The following SSH2 variants were observed in gnomAD, a reference collection of about 807,000 sequenced individuals.
SSH2 encodes the protein protein phosphatase Slingshot homolog 2.
Under a neutral mutation model 135.2 loss-of-function variants are expected in SSH2, and 37 were observed. The ratio of observed to expected loss-of-function variants is 0.27; its 90% CI spans 0.21 to 0.36. The LOEUF is 0.36. SSH2 is among the 10% of genes least tolerant of loss of function. SSH2 has a pLI of 1.00. For synonymous variants in SSH2, 628 were observed against 646.2 expected (o/e 0.97, Z 0.43); for missense variants, 1,408 against 1,765.3 (o/e 0.80, Z 3.63).
intron 1 of SSH2, among the ~76,000 whole-genome samples, chr17:29,907,581 A>C (rs2066679001): frequency 6.6e-6 from 1 of 152,256 alleles, no homozygotes; most frequent in South Asian, 2.1e-4. Flanking sequence ...TCTTTCGAAT[A>C]TACAAGCTCT....
At chr17:29,836,261 G>C (rs1568004172) in intron 2 of SSH2, among the ~76,000 whole-genome samples, 1 of 152,020 alleles carries the variant, frequency 6.6e-6, no homozygotes, top group Non-Finnish European at 1.5e-5. Context: ...CGTTAGAGAG[G>C]CCCTTCTTGA....
intron 1 of SSH2, among the ~76,000 whole-genome samples, chr17:29,858,131 C>G (rs9905597): frequency 0.03 from 4,523 of 152,258 alleles, 207 homozygotes; most frequent in African/African-American, 0.1. Context: ...TCTGTTAAGA[C>G]ATTCATTTCA....
intron 1 of SSH2, among the ~76,000 whole-genome samples, chr17:29,852,609 T>C (rs2065583334): frequency 6.6e-6 from 1 of 151,608 alleles, no homozygotes; most frequent in South Asian, 2.1e-4. Flanking sequence ...TGGAGTACAG[T>C]GGCGCAATCT....
At chr17:29,746,791 T>C (rs2040779884) in intron 3 of SSH2, among the ~76,000 whole-genome samples, 1 of 152,142 alleles carries the variant, frequency 6.6e-6, no homozygotes, top group African/African-American at 2.4e-5. Flanking sequence ...GGAGACTAAC[T>C]GGTTTTTATG....
intron 3 of SSH2, among the ~76,000 whole-genome samples, chr17:29,787,198 A>C (rs373740810): frequency 1.7e-4 from 26 of 152,322 alleles, no homozygotes; most frequent in African/African-American, 6.3e-4. Flanking sequence ...TGATTATTCT[A>C]GGTATCTCAT....
Position 29,631,048 on chromosome 17 carries a change from C to T in SSH2, c.4146G>A (p.Gln1382=). The T allele has an allele frequency of 6.2e-7, 1 of 1,614,240 alleles. No individual in the cohort carries two copies. The highest frequency in any genetic ancestry group is 1.1e-5 in the South Asian group (1 of 91,086). ...QYAKEFGSSQ[Q]YLLPRAGLEL... ...CAAGTCCTGCCCTGGGGAGCAAATACTGCTGACTAGAACCAAATTCTTTGG... is the reference window on the plus strand; with the variant it reads ...CAAGTCCTGCCCTGGGGAGCAAATATTGCTGACTAGAACCAAATTCTTTGG... The change falls in exon 16 of 16, where the codon CAG becomes CAA. Residue 1382 remains glutamine (Q), a synonymous_variant. Coordinates refer to ENST00000540801, the MANE Select transcript of SSH2 (RefSeq NM_001282129.2).
Position 29,718,317 on chromosome 17 carries a change from A to G in SSH2, c.189-15255T>C, listed in dbSNP as rs567672185. On this transcript the variant is annotated intron_variant, in intron 3 of 15. Coordinates refer to ENST00000540801, the MANE Select transcript of SSH2 (RefSeq NM_001282129.2). ...CCACTCCTCTCCTTGTTCTATATAC[A>G]CTCTTCTGAATGTCTTTAGCCACAC... 1.5e-3 allele frequency among the ~76,000 whole-genome samples: 231 copies of G among 151,746 alleles called. 1 individual carries two copies. The highest frequency in any genetic ancestry group is 5.3e-3 in the African/African-American group (220 of 41,332).
At chr17:29,779,179 T>C (rs1186049417) in intron 3 of SSH2, among the ~76,000 whole-genome samples, 1 of 152,110 alleles carries the variant, frequency 6.6e-6, no homozygotes. Context: ...ATAATCAGAT[T>C]TGCTTTTCAA....
chr17:29,881,181 A>G (rs2066131183), intron 1 of SSH2, among the ~76,000 whole-genome samples: 3 of 152,242 alleles, frequency 2.0e-5, no homozygotes, highest in African/African-American at 7.2e-5. Flanking sequence ...GAAATGTAAG[A>G]ATAACAAAGT....
intron 15 of SSH2, 26 bp from the exon 16 acceptor site, chr17:29,632,957 T>C: frequency 6.4e-7 from 1 of 1,562,992 alleles, no homozygotes; most frequent in Non-Finnish European, 8.7e-7. Flanking sequence ...AGTGAGAAGA[T>C]TATGGCAAAC....
chr17:29,766,718 T>C (rs985805450), intron 3 of SSH2, among the ~76,000 whole-genome samples: 16 of 152,208 alleles, frequency 1.1e-4, no homozygotes, highest in African/African-American at 3.6e-4. Flanking sequence ...CCACAGGACC[T>C]ATTTGTATTT....
intron 12 of SSH2, among the ~76,000 whole-genome samples, chr17:29,655,043 C>T (rs2036725947): frequency 6.6e-6 from 1 of 152,078 alleles, no homozygotes; most frequent in South Asian, 2.1e-4. Context: ...CAAAGCCCTT[C>T]AATTAAAGCA....
intron 9 of SSH2, among the ~76,000 whole-genome samples, chr17:29,670,527 T>C (rs955684333): frequency 3.9e-4 from 60 of 152,162 alleles, no homozygotes; most frequent in Non-Finnish European, 4.1e-4. Flanking sequence ...GCAGGTGTGG[T>C]GGCTACGCCT....
At chr17:29,708,589 CAAAA>C (rs61012646) in intron 3 of SSH2, among the ~76,000 whole-genome samples, 3 of 98,926 alleles carry the variant, frequency 3.0e-5, no homozygotes, top group Non-Finnish European at 4.2e-5. Context: ...AACTCTGCTT[CAAAA>C]AAAAAAAAAA....
intron 3 of SSH2, among the ~76,000 whole-genome samples, chr17:29,728,392 G>T (rs960317458): frequency 6.6e-6 from 1 of 152,118 alleles, no homozygotes; most frequent in African/African-American, 2.4e-5. Context: ...ACAGGTGAAA[G>T]AAATTGAAGA....
At position 29,636,592 on chromosome 17, in the gene SSH2, T is replaced by C. The variant is rs1178206857; in HGVS notation, c.1638A>G (p.Lys546=). The C allele has an allele frequency of 7.4e-6, 12 of 1,614,038 alleles. No individual in the cohort carries two copies. The highest frequency in any genetic ancestry group is 1.3e-5 in the African/African-American group (1 of 74,912). ...TCATTCTTTCTTTGGTACACAGGCC[T>C]TTCTGATTTGCATCTTGTGGGACCA... ...EHMVPQDANQ[K]GLCTKERMIC... is the part of the protein sequence containing the mutation. The change falls in exon 15 of 16, where the codon AAA becomes AAG. Residue 546 remains lysine, a synonymous_variant. Coordinates refer to ENST00000540801, the MANE Select transcript of SSH2 (RefSeq NM_001282129.2).
At chr17:29,723,664 T>C (rs908190886) in intron 3 of SSH2, among the ~76,000 whole-genome samples, 1 of 151,920 alleles carries the variant, frequency 6.6e-6, no homozygotes, top group African/African-American at 2.4e-5. Flanking sequence ...TTTTCTTTAA[T>C]GATATTATTC....
intron 3 of SSH2, among the ~76,000 whole-genome samples, chr17:29,718,840 G>A (rs1390797842): frequency 6.6e-6 from 1 of 151,292 alleles, no homozygotes; most frequent in Non-Finnish European, 1.5e-5. Flanking sequence ...GCTAATAGGA[G>A]ACCTCAGTTC....
At chr17:29,647,089 C>T (rs1303390013) in intron 14 of SSH2, among the ~76,000 whole-genome samples, 7 of 151,482 alleles carry the variant, frequency 4.6e-5, no homozygotes, top group Non-Finnish European at 1.0e-4. Context: ...AGTGAAACCC[C>T]ATCTCTACTA....
Sources: gnomAD v4.1 joint callset for allele counts (sites outside exome capture counted in the v4.1 genomes callset) on GRCh38, gnomAD v4.1.1 for gene constraint, MANE v1.5 for transcripts, NCBI Gene and HGNC (gene_info 2026-07-23, HGNC 2026-07-21) for gene names.